The following THSD7B variants were observed in gnomAD, a reference collection of about 807,000 sequenced individuals.
THSD7B encodes thrombospondin type 1 domain containing 7B, also known as thrombospondin type-1 domain-containing protein 7B.
In THSD7B, 138 loss-of-function variants were observed where a neutral mutation model predicts 213.6. The observed-to-expected ratio is 0.65, with a 90% confidence interval of 0.56 to 0.74. The LOEUF (loss-of-function observed/expected upper bound fraction) is 0.74, where lower values mean the gene tolerates loss of function less well. Ranked by LOEUF, THSD7B falls within the 30% of genes least tolerant of loss-of-function variation. The probability of loss-of-function intolerance (pLI) is 0.00; values close to 1 mark genes in which losing one functional copy is unlikely to be tolerated. For missense variants in THSD7B, 1,931 were observed against 1,991.5 expected (o/e 0.97, Z 0.58); for synonymous variants, 742 against 687.0 (o/e 1.08, Z -1.25).
intron 5 of THSD7B, among the ~76,000 whole-genome samples, chr2:137,153,129 G>T (rs796420062): frequency 1.3e-5 from 2 of 152,190 alleles, no homozygotes; most frequent in African/African-American, 4.8e-5. Flanking sequence ...ATGGCTGAAG[G>T]CTACTATATT....
At chr2:137,155,381 C>A (rs1469093118) in intron 5 of THSD7B, among the ~76,000 whole-genome samples, 5 of 152,102 alleles carry the variant, frequency 3.3e-5, no homozygotes. Flanking sequence ...GCTCCTAGGG[C>A]CTCATTGCAT....
At chr2:136,775,165 AC>A (rs1166929092) in intron 1 of THSD7B, among the ~76,000 whole-genome samples, 2 of 152,084 alleles carry the variant, frequency 1.3e-5, no homozygotes, top group African/African-American at 4.8e-5. Flanking sequence ...AAGGCATCTT[AC>A]TCATTTTTGG....
At chr2:137,278,161 A>C (rs1458605054) in intron 12 of THSD7B, among the ~76,000 whole-genome samples, 1 of 152,082 alleles carries the variant, frequency 6.6e-6, no homozygotes, top group South Asian at 2.1e-4. Flanking sequence ...TATAAAGGGG[A>C]GAAAAGTATC....
At chr2:137,006,319 C>T (rs550053152) in intron 2 of THSD7B, among the ~76,000 whole-genome samples, 17 of 152,162 alleles carry the variant, frequency 1.1e-4, no homozygotes, top group African/African-American at 2.4e-4. Context: ...GGCATGAACC[C>T]GGGAGGCGGA....
At chr2:137,078,305 G>A (rs1223678929) in intron 3 of THSD7B, among the ~76,000 whole-genome samples, 1 of 152,092 alleles carries the variant, frequency 6.6e-6, no homozygotes, top group Non-Finnish European at 1.5e-5. Flanking sequence ...ACTTGGCAAT[G>A]TGGACTCTTT....
chr2:136,961,409 A>T (rs1685216786), intron 2 of THSD7B, among the ~76,000 whole-genome samples: 2 of 151,730 alleles, frequency 1.3e-5, no homozygotes, highest in East Asian at 4.0e-4. Context: ...CTTAGTAGAG[A>T]CAGGGTTTCA....
intron 1 of THSD7B, among the ~76,000 whole-genome samples, chr2:136,835,272 T>C (rs1167119566): frequency 2.0e-5 from 3 of 152,184 alleles, no homozygotes; most frequent in African/African-American, 7.2e-5. Flanking sequence ...TTTCATACCA[T>C]AAAGTGAGTG....
intron 12 of THSD7B, among the ~76,000 whole-genome samples, chr2:137,357,528 C>T (rs1357139301): frequency 1.3e-5 from 2 of 152,102 alleles, no homozygotes; most frequent in African/African-American, 4.8e-5. Flanking sequence ...ACCCCCGATG[C>T]CTTAGTAATT....
At chr2:137,150,109 G>T (rs1679786379) in intron 5 of THSD7B, among the ~76,000 whole-genome samples, 2 of 151,890 alleles carry the variant, frequency 1.3e-5, no homozygotes, top group African/African-American at 4.8e-5. Context: ...AGGTGTGGTG[G>T]TGCATGCCTG....
intron 15 of THSD7B, among the ~76,000 whole-genome samples, chr2:137,518,100 C>T (rs904052501): frequency 1.3e-5 from 2 of 152,152 alleles, no homozygotes; most frequent in South Asian, 4.2e-4. Context: ...CTCAAGCAGT[C>T]CCGAAGGCAC....
rs568766225 is a variant in THSD7B at position 137,150,787 on chromosome 2, T to G, written c.1370-9426T>G. 2.6e-5 allele frequency among the ~76,000 whole-genome samples: 4 copies of G among 152,254 alleles called. No individual in the cohort carries two copies. The South Asian group carries it at 8.3e-4, about 32-fold the overall frequency. ...ACTTACACAAATCTAGTTGGGATAG[T>G]CCACTCACAACTAGGCTATATGGTA... On this transcript the variant is annotated intron_variant, in intron 5 of 27. Transcript: ENST00000409968.
At chr2:137,111,158 T>C (rs1688339775) in intron 4 of THSD7B, among the ~76,000 whole-genome samples, 1 of 152,314 alleles carries the variant, frequency 6.6e-6, no homozygotes, top group Middle Eastern at 3.4e-3. Context: ...AAAATGATTA[T>C]CATATATTCT....
chr2:137,540,226 C>T (rs1680585196), intron 15 of THSD7B, among the ~76,000 whole-genome samples: 1 of 151,548 alleles, frequency 6.6e-6, no homozygotes, highest in Non-Finnish European at 1.5e-5. Flanking sequence ...TAGGCAATGT[C>T]AGCAAAAATA....
intron 2 of THSD7B, among the ~76,000 whole-genome samples, chr2:136,946,798 G>A (rs1270486203): frequency 1.3e-5 from 2 of 152,168 alleles, no homozygotes; most frequent in African/African-American, 2.4e-5. Context: ...GCCTTGCATA[G>A]GATATAATCT....
chr2:137,360,275 G>A (rs993346877), intron 12 of THSD7B, among the ~76,000 whole-genome samples: 2 of 152,094 alleles, frequency 1.3e-5, no homozygotes, highest in African/African-American at 2.4e-5. Context: ...GGAACAGCTC[G>A]GGTCTGCAGC....
intron 1 of THSD7B, among the ~76,000 whole-genome samples, chr2:136,865,223 G>A (rs1683315557): frequency 6.6e-6 from 1 of 152,164 alleles, no homozygotes; most frequent in Non-Finnish European, 1.5e-5. Flanking sequence ...CTAAGGATGT[G>A]GGAAACCATG....
intron 16 of THSD7B, among the ~76,000 whole-genome samples, chr2:137,567,825 A>G (rs1032343070): frequency 6.6e-6 from 1 of 152,182 alleles, no homozygotes; most frequent in African/African-American, 2.4e-5. Flanking sequence ...TTTCCAACTG[A>G]ACTATTACAG....
chr2:137,366,393 TA>T lies in THSD7B; in HGVS notation c.2501-39209del, dbSNP rs202117248. Among the ~76,000 whole-genome samples the T allele has an allele frequency of 5.2e-3, 734 of 142,502 alleles. 3 individuals carry two copies. The highest frequency in any genetic ancestry group is 0.016 in the African/African-American group (640 of 39,222). 93.5% of individuals were successfully genotyped at this position (142,502 alleles called of 152,430 possible). ...TACCCTAGAACTTAAAGTATAATAA[TA>T]AAAAAAAAAAGAATTTTAAGCCTCA... On this transcript the variant is annotated intron_variant, in intron 12 of 27. Transcript: ENST00000409968.
Position 137,676,783 on chromosome 2 carries a change from T to A in THSD7B, c.*178T>A. 1 of 521,836 alleles carries A rather than the reference T, an allele frequency of 1.9e-6. No homozygotes were observed. Among genetic ancestry groups the A allele is most frequent in the South Asian group, 5.5e-5 (1 of 18,126 alleles). 32.3% of individuals were successfully genotyped at this position (521,836 alleles called of 1,614,324 possible). ...GGACATGGAGTCAAGGATTATTAGGTCTGCCATTTTGTTTTCAAGTTGTTT... is the reference window on the plus strand; with the variant it reads ...GGACATGGAGTCAAGGATTATTAGGACTGCCATTTTGTTTTCAAGTTGTTT... On this transcript the variant is annotated 3_prime_UTR_variant, in exon 28 of 28. Transcript: ENST00000409968.
Sources: allele counts gnomAD v4.1 joint callset (sites outside exome capture counted in the v4.1 genomes callset), GRCh38; gene constraint gnomAD v4.1.1; transcripts MANE v1.5; gene names NCBI Gene and HGNC (gene_info 2026-07-23, HGNC 2026-07-21).